HERC4: variants seen among roughly 807,000 people sequenced by gnomAD.
HERC4 encodes the protein HECT and RLD domain containing E3 ubiquitin protein ligase 4, also known as probable E3 ubiquitin-protein ligase HERC4.
HERC4 carries 28 observed loss-of-function variants against 124.3 expected under a neutral mutation model. The ratio of observed to expected loss-of-function variants is 0.23; its 90% confidence interval spans 0.17 to 0.31. The LOEUF (loss-of-function observed/expected upper bound fraction) is 0.31, where lower values mean the gene tolerates loss of function less well. Among genes scored for constraint, HERC4 ranks in the 10% least tolerant of loss-of-function variants. The probability of loss-of-function intolerance (pLI) is 1.00; values close to 1 mark genes in which losing one functional copy is unlikely to be tolerated. For synonymous variants in HERC4, 407 were observed against 421.5 expected (o/e 0.97, Z 0.42); for missense variants, 713 against 1,229.3 (o/e 0.58, Z 6.28).
chr10:68,056,214 C>T (rs2133663638), intron 3 of HERC4, among the ~76,000 whole-genome samples: 1 of 152,078 alleles, frequency 6.6e-6, no homozygotes, highest in South Asian at 2.1e-4. Flanking sequence ...AAGAATGAAC[C>T]CTCAGAATAT....
chr10:67,935,120 T>C (rs1475469426), intron 22 of HERC4, among the ~76,000 whole-genome samples: 2 of 152,096 alleles, frequency 1.3e-5, no homozygotes, highest in African/African-American at 4.8e-5. Flanking sequence ...TCCTTAAATG[T>C]CTGTTGACCT....
chr10:68,010,422 T>A, intron 9 of HERC4: 1 of 948,726 alleles, frequency 1.1e-6, no homozygotes, highest in Non-Finnish European at 1.7e-6. Flanking sequence ...TGGTGCATAA[T>A]CACTGCTTGA....
At chr10:67,924,308 CGAT>C (rs755493388) in intron 24 of HERC4, among the ~76,000 whole-genome samples, 23 of 152,088 alleles carry the variant, frequency 1.5e-4, no homozygotes, top group African/African-American at 3.6e-4. Flanking sequence ...TGTCACTTAA[CGAT>C]GATGATATGT....
At chr10:67,969,532 G>GCCA (rs1349012474) in intron 15 of HERC4, among the ~76,000 whole-genome samples, 1 of 152,104 alleles carries the variant, frequency 6.6e-6, no homozygotes, top group African/African-American at 2.4e-5. Flanking sequence ...GGAATTAGCT[G>GCCA]CCACATGAGA....
chr10:67,981,742 G>A (rs2035942690), intron 15 of HERC4, among the ~76,000 whole-genome samples: 1 of 152,160 alleles, frequency 6.6e-6, no homozygotes, highest in Non-Finnish European at 1.5e-5. Flanking sequence ...TGGATTACTT[G>A]AGGCCAGGAG....
At chr10:67,939,696 G>A in intron 20 of HERC4, 42 bp from the exon 21 acceptor site, 1 of 1,205,852 alleles carries the variant, frequency 8.3e-7, no homozygotes, top group Non-Finnish European at 1.2e-6. Flanking sequence ...AAAAATTATT[G>A]GATATTTTGA....
intron 19 of HERC4, among the ~76,000 whole-genome samples, chr10:67,949,086 T>C (rs1416358315): frequency 1.3e-5 from 2 of 151,584 alleles, no homozygotes; most frequent in Admixed American, 1.3e-4. Context: ...ACCCCGTTTC[T>C]ACTAAAAAAT....
At chr10:68,038,652 C>G (rs1055001903) in intron 4 of HERC4, among the ~76,000 whole-genome samples, 1 of 152,178 alleles carries the variant, frequency 6.6e-6, no homozygotes, top group Non-Finnish European at 1.5e-5. Flanking sequence ...GTTCTACCAA[C>G]TCTCAAATTA....
intron 23 of HERC4, among the ~76,000 whole-genome samples, chr10:67,930,641 C>T (rs1481869395): frequency 1.3e-5 from 2 of 152,114 alleles, no homozygotes; most frequent in Non-Finnish European, 2.9e-5. Flanking sequence ...AATAGGTATA[C>T]AGTATCTAAC....
Position 67,955,085 on chromosome 10 carries a change from GA to G in HERC4, c.2070del (p.Leu691SerfsTer3). 6.3e-7 allele frequency: 1 copy of G among 1,590,828 alleles called. No homozygotes were observed. Among genetic ancestry groups the G allele is most frequent in the East Asian group, 2.4e-5 (1 of 42,474 alleles). ...GGATTCACAGATTCAATCACTGGGA[GA>G]AAAAGAGAGGAGACATTCTGCCTGT... The part of the protein sequence containing the change: ...QAHRQNVSSL[F>X]LPVIESVNPC... On this transcript the variant is annotated frameshift_variant, in exon 18 of 25. Transcript: ENST00000373700. LOFTEE classifies it high-confidence loss of function.
chr10:67,962,856 A>C (rs2034610480), intron 16 of HERC4, among the ~76,000 whole-genome samples: 1 of 152,202 alleles, frequency 6.6e-6, no homozygotes. Context: ...GCTACTGCCA[A>C]ATTTGTAGCC....
chr10:67,942,572 C>T (rs558856561), intron 19 of HERC4, among the ~76,000 whole-genome samples: 70 of 152,164 alleles, frequency 4.6e-4, no homozygotes, highest in African/African-American at 1.6e-3. Flanking sequence ...AGTGCAATGA[C>T]GCGATCTTGG....
chr10:68,014,324 T>G, intron 8 of HERC4, 138 bp from the exon 9 acceptor site: 1 of 729,632 alleles, frequency 1.4e-6, no homozygotes, highest in South Asian at 2.3e-5. Flanking sequence ...CCAAAGCTTC[T>G]GTACAAATAT....
At chr10:67,933,221 G>A (rs1440359674) in intron 22 of HERC4, among the ~76,000 whole-genome samples, 1 of 151,966 alleles carries the variant, frequency 6.6e-6, no homozygotes, top group Non-Finnish European at 1.5e-5. Context: ...TCTTTTCCTT[G>A]GGTTCCAAGG....
At chr10:68,071,230 A>C (rs1316283733) in intron 3 of HERC4, among the ~76,000 whole-genome samples, 1 of 152,264 alleles carries the variant, frequency 6.6e-6, no homozygotes, top group Non-Finnish European at 1.5e-5. Context: ...CAATGTCAAC[A>C]TGACCACAAA....
At chr10:67,947,945 T>A (rs1385484428) in intron 19 of HERC4, among the ~76,000 whole-genome samples, 1 of 130,700 alleles carries the variant, frequency 7.7e-6, no homozygotes, top group East Asian at 4.3e-4. Flanking sequence ...CACCTTGGCC[T>A]CCCAAAGTGG....
At chr10:67,965,720 G>A (rs1329431198) in intron 16 of HERC4, 1 of 152,234 alleles carries the variant, frequency 6.6e-6, no homozygotes, top group Admixed American at 6.5e-5. Flanking sequence ...TCCACAAGGA[G>A]CTTACAGCTG....
chr10:67,947,785 TAAC>T (rs1037222707), intron 19 of HERC4, among the ~76,000 whole-genome samples: 27 of 144,430 alleles, frequency 1.9e-4, no homozygotes, highest in African/African-American at 6.6e-4. Flanking sequence ...AAACTAGAAA[TAAC>T]AAAAGGAAAT....
chr10:67,984,504 G>T (rs569428924), intron 15 of HERC4, among the ~76,000 whole-genome samples: 1 of 152,214 alleles, frequency 6.6e-6, no homozygotes, highest in African/African-American at 2.4e-5. Flanking sequence ...GGGAAGGGTA[G>T]TGGGGAGGCA....
Sources: gnomAD v4.1 joint callset for allele counts (sites outside exome capture counted in the v4.1 genomes callset) on GRCh38, gnomAD v4.1.1 for gene constraint, MANE v1.5 for transcripts, NCBI Gene and HGNC (gene_info 2026-07-23, HGNC 2026-07-21) for gene names.